AP1G1: variants seen among roughly 807,000 people sequenced by gnomAD.
The protein encoded by AP1G1 is AP-1 complex subunit gamma-1.
In AP1G1, 7 loss-of-function variants were observed where a neutral mutation model predicts 108.3. That is an observed-to-expected ratio of 0.06 (90% CI 0.04 to 0.12). The LOEUF (loss-of-function observed/expected upper bound fraction) is 0.12, where lower values mean the gene tolerates loss of function less well. AP1G1 is among the 10% of genes least tolerant of loss of function. The pLI is 1.00. For synonymous variants in AP1G1, 379 were observed against 353.5 expected (o/e 1.07, Z -0.81); for missense variants, 756 against 1,010.7 (o/e 0.75, Z 3.42).
intron 11 of AP1G1, 73 bp downstream of exon 11, chr16:71,758,735 G>A: frequency 4.8e-6 from 4 of 835,010 alleles, no homozygotes; most frequent in South Asian, 3.1e-5. Flanking sequence ...CATGGCAGCG[G>A]CATAGAGCTA....
chr16:71,763,547 A>G lies in AP1G1; in HGVS notation c.918+803T>C, dbSNP rs530116660. Among the ~76,000 whole-genome samples, 210 of 152,354 alleles carry G rather than the reference A, an allele frequency of 1.4e-3. 1 individual carries two copies. Among genetic ancestry groups the G allele is most frequent in the Middle Eastern group, 0.01 (3 of 292 alleles). ...TTATCACAATTAAGAAAAAAAGAACATGACTTATCTCTATGCATGAATTTG... is the reference window on the plus strand; with the variant it reads ...TTATCACAATTAAGAAAAAAAGAACGTGACTTATCTCTATGCATGAATTTG... On this transcript the variant is annotated intron_variant, in intron 9 of 22. Coordinates refer to ENST00000299980, the MANE Select transcript of AP1G1 (RefSeq NM_001128.6).
chr16:71,795,001 A>T (rs930480438), intron 1 of AP1G1, among the ~76,000 whole-genome samples: 6 of 151,956 alleles, frequency 3.9e-5, no homozygotes, highest in Non-Finnish European at 8.8e-5. Flanking sequence ...AAATGCTAAA[A>T]TATCTTTAAA....
At chr16:71,808,391 G>A in intron 1 of AP1G1, 4 of 973,680 alleles carry the variant, frequency 4.1e-6, no homozygotes, top group Admixed American at 3.7e-5. Flanking sequence ...ACGCTGATAC[G>A]TGGCTCAGAG....
At chr16:71,752,961 T>C (rs897910897) in intron 13 of AP1G1, among the ~76,000 whole-genome samples, 1 of 152,204 alleles carries the variant, frequency 6.6e-6, no homozygotes, top group Non-Finnish European at 1.5e-5. Flanking sequence ...TTATAAATTA[T>C]TCATAGATTG....
At position 71,732,743 on chromosome 16, in the gene AP1G1, T is replaced by C. The variant is rs2045486609; in HGVS notation, c.*315A>G. Reference sequence around the variant, plus strand: ...TTGCAGTCCTCTCCTCCAGACCAGCTGCTTATTTCCTCAGGGGCCCAGGGA... The same window carrying C: ...TTGCAGTCCTCTCCTCCAGACCAGCCGCTTATTTCCTCAGGGGCCCAGGGA... On this transcript the variant is annotated 3_prime_UTR_variant, in exon 23 of 23. Coordinates refer to ENST00000299980, the MANE Select transcript of AP1G1 (RefSeq NM_001128.6). The C allele has an allele frequency of 1.6e-5, 4 of 254,998 alleles. No individual in the cohort carries two copies. The Admixed American group carries it at 2.0e-4, about 13-fold the overall frequency. 15.8% of individuals were successfully genotyped at this position (254,998 alleles called of 1,614,324 possible).
chr16:71,759,046 A>C, intron 10 of AP1G1, 125 bp from the exon 11 acceptor site: 1 of 616,604 alleles, frequency 1.6e-6, no homozygotes, highest in Admixed American at 3.5e-5. Flanking sequence ...TATTTAAAAG[A>C]AAGTTAGTGA....
chr16:71,778,980 AC>A (rs1218089729), intron 2 of AP1G1, among the ~76,000 whole-genome samples: 1 of 152,180 alleles, frequency 6.6e-6, no homozygotes, highest in Non-Finnish European at 1.5e-5. Flanking sequence ...TGAAAAACCT[AC>A]CTGAAACATT....
intron 1 of AP1G1, among the ~76,000 whole-genome samples, chr16:71,791,037 A>G (rs999158252): frequency 6.6e-6 from 1 of 152,102 alleles, no homozygotes; most frequent in African/African-American, 2.4e-5. Context: ...CCTGGCCAAC[A>G]TTGCAAAACC....
At chr16:71,793,292 A>G (rs927272386) in intron 1 of AP1G1, among the ~76,000 whole-genome samples, 1 of 152,218 alleles carries the variant, frequency 6.6e-6, no homozygotes, top group Non-Finnish European at 1.5e-5. Context: ...ACACATTTTT[A>G]TTATCTCAAG....
chr16:71,802,599 G>A (rs192818882), intron 1 of AP1G1, among the ~76,000 whole-genome samples: 2 of 152,044 alleles, frequency 1.3e-5, no homozygotes, highest in Non-Finnish European at 1.5e-5. Flanking sequence ...GCATGGTGGC[G>A]GGCGCCTGTA....
intron 1 of AP1G1, chr16:71,807,998 T>G: frequency 8.2e-7 from 1 of 1,218,906 alleles, no homozygotes; most frequent in Non-Finnish European, 1.0e-6. Flanking sequence ...AAACATAATC[T>G]GCTTCATAAA....
Position 71,803,889 on chromosome 16 carries a change from AC to A in AP1G1, c.-4+4873del, listed in dbSNP as rs1331173801. 2.1e-5 allele frequency among the ~76,000 whole-genome samples: 3 copies of A among 144,172 alleles called. No homozygotes were observed. In the Admixed American group the frequency reaches 2.2e-4, roughly 11 times the overall value. 94.6% of individuals were successfully genotyped at this position (144,172 alleles called of 152,430 possible). On this transcript the variant is annotated intron_variant, in intron 1 of 22. Transcript: ENST00000299980. ...CAGTAAGCAGAGATGGCTCCGATGC[AC>A]TCCAGCCTGGGCAACAGAGGAGGAC...
At chr16:71,761,488 A>G in intron 10 of AP1G1, 24 bp downstream of exon 10, 2 of 1,481,770 alleles carry the variant, frequency 1.3e-6, no homozygotes, top group Non-Finnish European at 1.9e-6. Context: ...ATCCAAGATA[A>G]AAGACATATT....
intron 8 of AP1G1, 32 bp downstream of exon 8, chr16:71,764,614 A>C (rs2031239006): frequency 6.7e-7 from 1 of 1,485,054 alleles, no homozygotes; most frequent in African/African-American, 1.4e-5. Flanking sequence ...AAACTAAAAT[A>C]AATATATATT....
At chr16:71,769,439 C>A (rs2031482231) in intron 6 of AP1G1, 184 bp downstream of exon 6, 1 of 602,390 alleles carries the variant, frequency 1.7e-6, no homozygotes, top group Non-Finnish European at 3.1e-6. Flanking sequence ...AAACACAATA[C>A]TAGTGCCAGT....
At chr16:71,765,694 T>C (rs1276447114) in intron 6 of AP1G1, 110 bp from the exon 7 acceptor site, 2 of 767,424 alleles carry the variant, frequency 2.6e-6, no homozygotes, top group South Asian at 2.9e-5. Context: ...TCCAAGCAAA[T>C]TCTACTGATT....
chr16:71,784,227 T>C (rs2145513133), intron 2 of AP1G1, among the ~76,000 whole-genome samples: 1 of 152,290 alleles, frequency 6.6e-6, no homozygotes, highest in East Asian at 1.9e-4. Flanking sequence ...ATAATAACAC[T>C]ATAAAGTAGG....
intron 2 of AP1G1, 51 bp downstream of exon 2, chr16:71,789,228 G>A (rs1185838666): frequency 1.3e-6 from 2 of 1,515,274 alleles, no homozygotes; most frequent in African/African-American, 1.4e-5. Flanking sequence ...CAATCCCTGA[G>A]CAACAATGTC....
intron 21 of AP1G1, among the ~76,000 whole-genome samples, 169 bp from the exon 22 acceptor site, chr16:71,734,876 T>C (rs2045514412): frequency 6.6e-6 from 1 of 152,228 alleles, no homozygotes; most frequent in Admixed American, 6.5e-5. Context: ...AGCACGTGAG[T>C]TGACTCCCTG....
Sources: allele counts gnomAD v4.1 joint callset (sites outside exome capture counted in the v4.1 genomes callset), GRCh38; gene constraint gnomAD v4.1.1; transcripts MANE v1.5; gene names NCBI Gene and HGNC (gene_info 2026-07-23, HGNC 2026-07-21).